Variants in PTPRR observed in about 807,000 individuals in gnomAD.
The protein encoded by PTPRR is protein tyrosine phosphatase receptor type R.
A neutral mutation model predicts 77.2 loss-of-function variants in PTPRR; 38 were observed. The observed-to-expected ratio is 0.49, with a 90% CI of 0.38 to 0.65. The LOEUF (loss-of-function observed/expected upper bound fraction) is 0.65. Among genes scored for constraint, PTPRR ranks in the 30% least tolerant of loss-of-function variants. PTPRR has a pLI of 0.00. For missense variants in PTPRR, 744 were observed against 799.2 expected, an observed-to-expected ratio of 0.93 and a Z score of 0.83; for synonymous variants, 299 against 283.1, an observed-to-expected ratio of 1.06 and a Z score of -0.57.
chr12:70,756,883 A>G (rs12370098), intron 4 of PTPRR, among the ~76,000 whole-genome samples: 8,203 of 152,206 alleles, frequency 0.054, 254 homozygotes, highest in African/African-American at 0.082. Context: ...ACACCTCTTT[A>G]AGAGAGAGGA....
intron 6 of PTPRR, among the ~76,000 whole-genome samples, chr12:70,731,532 TAG>T (rs1483849270): frequency 6.6e-6 from 1 of 152,202 alleles, no homozygotes; most frequent in Non-Finnish European, 1.5e-5. Context: ...AGGTTCAGGA[TAG>T]AGTCTCTTAA....
At chr12:70,787,789 T>C (rs1438175190) in intron 2 of PTPRR, among the ~76,000 whole-genome samples, 1 of 152,220 alleles carries the variant, frequency 6.6e-6, no homozygotes, top group Non-Finnish European at 1.5e-5. Flanking sequence ...ATGACTGTTT[T>C]CTGCAATATT....
chr12:70,888,334 C>T (rs1398947759), intron 2 of PTPRR, among the ~76,000 whole-genome samples: 2 of 152,160 alleles, frequency 1.3e-5, no homozygotes, highest in Non-Finnish European at 2.9e-5. Flanking sequence ...TCCAGTCTCA[C>T]ATGGTCAATA....
At chr12:70,656,096 TAGTCCC>T (rs953179276) in intron 13 of PTPRR, among the ~76,000 whole-genome samples, 6 of 151,938 alleles carry the variant, frequency 3.9e-5, no homozygotes, top group African/African-American at 1.5e-4. Flanking sequence ...TGCTCGCCTA[TAGTCCC>T]AGCTACTTGG....
intron 1 of PTPRR, among the ~76,000 whole-genome samples, chr12:70,918,661 T>A (rs1893809527): frequency 6.6e-6 from 1 of 152,244 alleles, no homozygotes; most frequent in Non-Finnish European, 1.5e-5. Flanking sequence ...ATATAATTAC[T>A]CAAGATGTAT....
chr12:70,849,019 A>G (rs1336541716), intron 2 of PTPRR, among the ~76,000 whole-genome samples: 1 of 152,216 alleles, frequency 6.6e-6, no homozygotes, highest in Non-Finnish European at 1.5e-5. Context: ...ATCACCATTT[A>G]TAATTTTTTG....
intron 10 of PTPRR, among the ~76,000 whole-genome samples, chr12:70,679,855 A>T (rs527986462): frequency 5.3e-5 from 8 of 152,140 alleles, no homozygotes; most frequent in African/African-American, 1.9e-4. Flanking sequence ...TGGCCACTCT[A>T]TATCTTTTAA....
At chr12:70,845,965 AGAG>A (rs1047963396) in intron 2 of PTPRR, among the ~76,000 whole-genome samples, 5 of 152,210 alleles carry the variant, frequency 3.3e-5, no homozygotes, top group African/African-American at 1.2e-4. Flanking sequence ...CAGTGGGACA[AGAG>A]AAGAAAAGCA....
At chr12:70,846,617 T>C (rs773110938) in intron 2 of PTPRR, among the ~76,000 whole-genome samples, 2 of 152,076 alleles carry the variant, frequency 1.3e-5, no homozygotes, top group Non-Finnish European at 2.9e-5. Context: ...CCCTCATGAA[T>C]GGGACTAGTC....
rs548629274 is a variant in PTPRR, at chr12:70,815,477, T to C, written c.358-50699A>G. On this transcript the variant is annotated intron_variant, in intron 2 of 13. Coordinates refer to ENST00000283228, the MANE Select transcript of PTPRR (RefSeq NM_002849.4). The stretch of plus-strand genomic sequence containing the variant: ...AAGTTCAATGAACCTAATGTAGAAA[T>C]GTAAAGAAAACTGTAATACAGCACC... Among the ~76,000 whole-genome samples, 7 of 152,168 alleles carry C rather than the reference T, an allele frequency of 4.6e-5. No homozygotes were observed. In the South Asian group the frequency reaches 1.0e-3, roughly 23 times the overall value.
At chr12:70,825,955 T>G (rs1444171319) in intron 2 of PTPRR, among the ~76,000 whole-genome samples, 2 of 152,238 alleles carry the variant, frequency 1.3e-5, no homozygotes, top group Non-Finnish European at 2.9e-5. Context: ...AACATATTTT[T>G]AAGCTTTTAT....
At position 70,639,283 on chromosome 12, in the gene PTPRR, AG is replaced by A; in HGVS notation, c.1881-7del. ...TGGTTTGCACCATTCCACCTCTGCA[AG>A]GAAGAAATCATAAAATAACTGATTT... On this transcript the variant is annotated splice_region_variant and splice_polypyrimidine_tract_variant and intron_variant, in intron 13 of 13. Coordinates refer to ENST00000283228, the MANE Select transcript of PTPRR (RefSeq NM_002849.4). The A allele has an allele frequency of 6.2e-7, 1 of 1,611,100 alleles. No homozygotes were observed. The highest frequency in any genetic ancestry group is 8.5e-7 in the Non-Finnish European group (1 of 1,179,408).
intron 6 of PTPRR, among the ~76,000 whole-genome samples, chr12:70,719,723 T>C (rs1889174612): frequency 6.6e-6 from 1 of 152,134 alleles, no homozygotes; most frequent in Admixed American, 6.5e-5. Context: ...GCTAAGAGCA[T>C]CTGCAGTCTG....
intron 2 of PTPRR, among the ~76,000 whole-genome samples, chr12:70,810,799 GTCTA>G (rs1315107784): frequency 6.6e-6 from 1 of 152,118 alleles, no homozygotes; most frequent in Non-Finnish European, 1.5e-5. Flanking sequence ...ATGATTATAT[GTCTA>G]TCTTTCACAG....
intron 2 of PTPRR, among the ~76,000 whole-genome samples, chr12:70,769,882 C>G (rs1890927007): frequency 6.6e-6 from 1 of 152,068 alleles, no homozygotes; most frequent in African/African-American, 2.4e-5. Context: ...TGATCTTTGA[C>G]AAACCTGACA....
intron 6 of PTPRR, among the ~76,000 whole-genome samples, chr12:70,738,410 G>C (rs764486008): frequency 6.6e-6 from 1 of 152,168 alleles, no homozygotes; most frequent in Non-Finnish European, 1.5e-5. Context: ...GAGAAATGAA[G>C]TCAGGATGGA....
In PTPRR at chr12:70,701,236, C is replaced by G; in HGVS notation, c.1095G>C (p.Lys365Asn). The G allele has an allele frequency of 6.2e-7, 1 of 1,613,956 alleles. No individual in the cohort carries two copies. Among genetic ancestry groups the G allele is most frequent in the Non-Finnish European group, 8.5e-7 (1 of 1,179,930 alleles). Residue 365 changes from lysine (K) to asparagine (N), a missense_variant, in exon 7 of 14, where the codon AAG (lysine) becomes AAC (asparagine). Physicochemically the swap from Lys to Asn is moderately conservative, Grantham distance 94 (BLOSUM62 0). This residue lies in a region of PTPRR where 570 missense variants were observed against 573.2 expected (regional missense o/e 0.99). Transcript: ENST00000283228. ...PFVSIPTPRE[K>N]VAMEYLQSAS... ...CTGACTGCAGATACTCCATTGCTACCTTCTCCCGTGGTGTTGGTATAGACA... is the reference window on the plus strand; with the variant it reads ...CTGACTGCAGATACTCCATTGCTACGTTCTCCCGTGGTGTTGGTATAGACA...
intron 4 of PTPRR, among the ~76,000 whole-genome samples, chr12:70,755,767 T>TA (rs11381172): frequency 0.94 from 142,259 of 152,070 alleles, 67,282 homozygotes; most frequent in East Asian, 1. Context: ...ACTTGATTGA[T>TA]AAATGATTAG....
intron 2 of PTPRR, among the ~76,000 whole-genome samples, chr12:70,775,939 C>A (rs570172459): frequency 1.3e-5 from 2 of 152,086 alleles, no homozygotes. Context: ...TATGCTTTCA[C>A]CCCTTCCCTT....
Sources: allele counts gnomAD v4.1 joint callset (sites outside exome capture counted in the v4.1 genomes callset), GRCh38; gene constraint gnomAD v4.1.1; regional missense constraint gnomAD v4.1.1; transcripts MANE v1.5; gene names NCBI Gene and HGNC (gene_info 2026-07-23, HGNC 2026-07-21).